The following PRKAG1 variants were observed in gnomAD, a reference collection of about 807,000 sequenced individuals.
PRKAG1 encodes protein kinase AMP-activated non-catalytic subunit gamma 1.
Under a neutral mutation model 48.2 loss-of-function variants are expected in PRKAG1, and 27 were observed. The ratio of observed to expected loss-of-function variants is 0.56; its 90% CI spans 0.41 to 0.77. The LOEUF (loss-of-function observed/expected upper bound fraction) is 0.77, where lower values mean the gene tolerates loss of function less well. Ranked by LOEUF, PRKAG1 falls within the 30% of genes least tolerant of loss-of-function variation. The probability of loss-of-function intolerance (pLI) is 0.00; values close to 1 mark genes in which losing one functional copy is unlikely to be tolerated. For missense variants in PRKAG1, 287 were observed against 398.3 expected (o/e 0.72, Z 2.38); for synonymous variants, 130 against 147.7 (o/e 0.88, Z 0.87).
chr12:49,006,412 G>C (rs973137985), intron 2 of PRKAG1, among the ~76,000 whole-genome samples: 1 of 152,074 alleles, frequency 6.6e-6, no homozygotes, highest in African/African-American at 2.4e-5. Flanking sequence ...AAATGGGAAA[G>C]TCATGGTCCA....
intron 7 of PRKAG1, 153 bp downstream of exon 7, chr12:49,004,811 G>C (rs1017646437): frequency 1.7e-6 from 2 of 1,153,138 alleles, no homozygotes; most frequent in East Asian, 2.4e-5. Flanking sequence ...GAGAGAGAGA[G>C]ACTGTGTGTG....
rs568969687 is a variant in PRKAG1 at position 49,013,202 on chromosome 12, C to G, written c.10-92G>C. ...GGAAGGGCTGGTGAACAAATAATGACTTTCTTTAAAGCACTATAAAGCCAC... is the reference window on the plus strand; with the variant it reads ...GGAAGGGCTGGTGAACAAATAATGAGTTTCTTTAAAGCACTATAAAGCCAC... On this transcript the variant is annotated intron_variant, in intron 1 of 11. Coordinates refer to ENST00000548065, the MANE Select transcript of PRKAG1 (RefSeq NM_002733.5). 2.0e-4 allele frequency: 236 copies of G among 1,207,690 alleles called. 1 individual carries two copies. In the Admixed American group the frequency reaches 4.4e-3, roughly 22 times the overall value. The allele number at this position is 1,207,690 out of a possible 1,614,324, so 74.8% of individuals were successfully genotyped here. A position where few individuals can be genotyped will look rare whatever the true frequency, so the allele number is the denominator to read the frequency against.
intron 2 of PRKAG1, among the ~76,000 whole-genome samples, chr12:49,012,370 TTTTC>T (rs1178976132): frequency 4.3e-4 from 65 of 151,398 alleles, no homozygotes; most frequent in East Asian, 2.9e-3. Context: ...TTCCTAATTT[TTTTC>T]TTTCTTTTTT....
intron 1 of PRKAG1, among the ~76,000 whole-genome samples, chr12:49,015,948 CTT>C (rs67495781): frequency 0.39 from 56,131 of 142,292 alleles, 10,787 homozygotes; most frequent in South Asian, 0.45. Flanking sequence ...TCCTTTCTAC[CTT>C]TTTTTTTTTT....
intron 2 of PRKAG1, among the ~76,000 whole-genome samples, chr12:49,006,742 G>A (rs1486175857): frequency 6.6e-6 from 1 of 152,120 alleles, no homozygotes; most frequent in Non-Finnish European, 1.5e-5. Context: ...GGCCAAGGTG[G>A]GAGGATCACC....
At position 49,005,326 on chromosome 12, in the gene PRKAG1, G is replaced by C; in HGVS notation, c.289C>G (p.Arg97Gly). 1 of 1,614,120 alleles carries C rather than the reference G, an allele frequency of 6.2e-7. No homozygotes were observed. Among genetic ancestry groups the C allele is most frequent in the Non-Finnish European group, 8.5e-7 (1 of 1,180,032 alleles). ...TITDFINILHRYYKSALVQIY... is the reference protein window; with the variant it reads ...TITDFINILHGYYKSALVQIY... ...CTTACCAAGGCTGATTTATAGTAGC[G>C]GTGCAGGATATTGATGAAATCAGTG... The change falls in exon 5 of 12, where the codon CGC (arginine) becomes GGC (glycine). Residue 97 changes from arginine (R) to glycine (G), a missense_variant. By Grantham distance (125) the Arg-to-Gly change is moderately radical (BLOSUM62 -2). Around this residue, in one of 2 missense-constraint regions of PRKAG1, gnomAD observed 224 missense variants for 344.3 expected, o/e 0.65. Coordinates refer to ENST00000548065, the MANE Select transcript of PRKAG1 (RefSeq NM_002733.5). This position sits in a 1 kb window ranked among gnomAD's most constrained non-coding sequence, Gnocchi z 4.1.
At chr12:49,018,676 T>C in intron 1 of PRKAG1, 56 bp downstream of exon 1, 1 of 1,612,928 alleles carries the variant, frequency 6.2e-7, no homozygotes, top group East Asian at 2.2e-5. Context: ...CTCCTAAGGG[T>C]TGGGGGGGTG....
rs760122095 is a variant in PRKAG1 at position 49,018,760 on chromosome 12, G to C, written c.-20C>G. The C allele has an allele frequency of 7.4e-6, 12 of 1,612,402 alleles. No individual in the cohort carries two copies. The African/African-American group carries it at 1.2e-4, about 16-fold the overall frequency. ...CTCCATTGCAAGAGGCGCCCGGCTTGGTTTCCTCGCTTTAGGAAACTCTCT... is the reference window on the plus strand; with the variant it reads ...CTCCATTGCAAGAGGCGCCCGGCTTCGTTTCCTCGCTTTAGGAAACTCTCT... On this transcript the variant is annotated 5_prime_UTR_variant, in exon 1 of 12. Transcript: ENST00000548065.
chr12:49,017,046 C>T, intron 1 of PRKAG1: 2 of 439,144 alleles, frequency 4.6e-6, no homozygotes, highest in Non-Finnish European at 9.1e-6. Context: ...TCTCCTAGGT[C>T]CAAAGTAATT....
chr12:49,009,185 G>C (rs574052419), intron 2 of PRKAG1: 1 of 150,420 alleles, frequency 6.6e-6, no homozygotes, highest in Non-Finnish European at 1.5e-5. Context: ...GTACAATGGC[G>C]AGATCATGGC....
At chr12:49,016,298 C>A (rs1941966317) in intron 1 of PRKAG1, among the ~76,000 whole-genome samples, 1 of 152,172 alleles carries the variant, frequency 6.6e-6, no homozygotes, top group Non-Finnish European at 1.5e-5. Context: ...CACGCAAGTA[C>A]AAAATATTAC....
chr12:49,013,578 T>C (rs150148114), intron 1 of PRKAG1, among the ~76,000 whole-genome samples: 1 of 152,084 alleles, frequency 6.6e-6, no homozygotes, highest in Non-Finnish European at 1.5e-5. Context: ...TCTCATTTAA[T>C]CTTCATAACA....
intron 2 of PRKAG1, among the ~76,000 whole-genome samples, chr12:49,011,027 G>A (rs113653975): frequency 0.022 from 3,314 of 152,126 alleles, 108 homozygotes; most frequent in African/African-American, 0.073. Flanking sequence ...ATTTTTAGTA[G>A]AGACGGGGTT....
Position 49,017,283 on chromosome 12 carries a change from C to T in PRKAG1, c.9+1449G>A, listed in dbSNP as rs1332227359. On this transcript the variant is annotated intron_variant, in intron 1 of 11. Transcript: ENST00000548065. ...TGGCATGATCTCAGCTCACTCCAGC[C>T]TCCACCTCTTTGGATCAAGCGATCC... The T allele has an allele frequency of 1.8e-5, 8 of 447,610 alleles. No individual in the cohort carries two copies. In the East Asian group the frequency reaches 4.2e-4, roughly 23 times the overall value. The allele number at this position is 447,610 out of a possible 1,614,324, so 27.7% of individuals were successfully genotyped here.
intron 1 of PRKAG1, chr12:49,016,969 C>T: frequency 2.8e-6 from 1 of 355,616 alleles, no homozygotes; most frequent in South Asian, 2.1e-5. Context: ...GCTGGCTCAC[C>T]CCCAGTTCTC....
intron 1 of PRKAG1, chr12:49,017,124 T>C (rs1259099374): frequency 3.3e-5 from 15 of 455,920 alleles, no homozygotes; most frequent in Non-Finnish European, 5.3e-5. Flanking sequence ...ATAGTCTACC[T>C]TTAAATAACA....
At chr12:49,012,508 G>A (rs1941800080) in intron 2 of PRKAG1, 1 of 152,246 alleles carries the variant, frequency 6.6e-6, no homozygotes, top group African/African-American at 2.4e-5. Context: ...CCAAGTAGCT[G>A]GGATTACAGG....
At chr12:49,003,344 C>G (rs1941373123) in intron 10 of PRKAG1, 54 bp from the exon 11 acceptor site, 1 of 1,609,018 alleles carries the variant, frequency 6.2e-7, no homozygotes, top group African/African-American at 1.3e-5. Flanking sequence ...AGCCTCCAAA[C>G]CCTGAACCCA....
intron 2 of PRKAG1, among the ~76,000 whole-genome samples, chr12:49,008,980 C>T (rs932660612): frequency 2.0e-5 from 3 of 152,052 alleles, no homozygotes; most frequent in African/African-American, 4.8e-5. Context: ...AATAAATGTT[C>T]TTGAATTAGT....
Sources: allele counts gnomAD v4.1 joint callset (sites outside exome capture counted in the v4.1 genomes callset), GRCh38; gene constraint gnomAD v4.1.1; regional missense constraint gnomAD v4.1.1; non-coding constraint Gnocchi (gnomAD v3.1); transcripts MANE v1.5; gene names NCBI Gene and HGNC (gene_info 2026-07-23, HGNC 2026-07-21).